The following MEIOSIN variants were observed in gnomAD, a reference collection of about 807,000 sequenced individuals.
MEIOSIN encodes the protein meiosis initiator.
MEIOSIN carries 18 observed loss-of-function variants against 23.4 expected under a neutral mutation model. That is an observed-to-expected ratio of 0.77 (90% CI 0.53 to 1.14). The LOEUF is 1.14. Ranked by LOEUF, MEIOSIN falls within the 50% of genes most tolerant of loss-of-function variation. The pLI, the probability that MEIOSIN is intolerant of heterozygous loss-of-function variation, is 0.00. For synonymous variants in MEIOSIN, 187 were observed against 100.6 expected (o/e 1.86, Z -5.14); for missense variants, 428 against 242.9 (o/e 1.76, Z -5.07).
chr19:45,756,650 G>T (rs1384835471), intron 8 of MEIOSIN, among the ~76,000 whole-genome samples: 1 of 151,934 alleles, frequency 6.6e-6, no homozygotes, highest in Non-Finnish European at 1.5e-5. Context: ...TCTTGAACTC[G>T]TAGGCTCAAG....
intron 7 of MEIOSIN, among the ~76,000 whole-genome samples, 186 bp from the exon 8 acceptor site, chr19:45,755,784 A>T (rs1231756062): frequency 1.3e-5 from 2 of 152,014 alleles, no homozygotes; most frequent in Non-Finnish European, 2.9e-5. Context: ...GATTCAAAAA[A>T]CCCAGGGGTG....
At chr19:45,760,943 GA>G (rs1348547868) in intron 11 of MEIOSIN, among the ~76,000 whole-genome samples, 1 of 143,538 alleles carries the variant, frequency 7.0e-6, no homozygotes, top group Non-Finnish European at 1.5e-5. Flanking sequence ...AAAAAAGAAA[GA>G]AAAGAAAAAA....
chr19:45,744,090 A>G (rs1279558849), intron 3 of MEIOSIN, among the ~76,000 whole-genome samples: 1 of 150,290 alleles, frequency 6.7e-6, no homozygotes, highest in African/African-American at 2.5e-5. Flanking sequence ...TGTCACCCAC[A>G]ATCTCAGCTC....
At chr19:45,755,792 G>A (rs777534540) in intron 7 of MEIOSIN, among the ~76,000 whole-genome samples, 178 bp from the exon 8 acceptor site, 6 of 152,152 alleles carry the variant, frequency 3.9e-5, no homozygotes, top group Non-Finnish European at 8.8e-5. Flanking sequence ...AAACCCAGGG[G>A]TGATTTGGGG....
In MEIOSIN at chr19:45,757,187, G is replaced by A. The variant is rs1469139137; in HGVS notation, c.922G>A (p.Val308Met). 2.8e-6 allele frequency: 2 copies of A among 702,806 alleles called. No individual in the cohort carries two copies. The highest frequency in any genetic ancestry group is 5.4e-5 in the East Asian group (2 of 37,306). The allele number at this position is 702,806 out of a possible 1,614,324, so 43.5% of individuals were successfully genotyped here. A position where few individuals can be genotyped will look rare whatever the true frequency, so the allele number is the denominator to read the frequency against. The change falls in exon 9 of 15, where the codon GTG (valine) becomes ATG (methionine). Residue 308 changes from valine (V) to methionine (M), a missense_variant. Physicochemically the swap from Val to Met is conservative, Grantham distance 21. Coordinates refer to ENST00000457052, the MANE Select transcript of MEIOSIN (RefSeq NM_001310124.2). ...KTQPHPRQKL[V>M]FYDSSEDVDK... ...CTCCACCTCTTGCAGGCAGAAGCTGGTGTTCTATGATTCCAGCGAGGATGT... is the reference window on the plus strand; with the variant it reads ...CTCCACCTCTTGCAGGCAGAAGCTGATGTTCTATGATTCCAGCGAGGATGT...
intron 11 of MEIOSIN, among the ~76,000 whole-genome samples, chr19:45,760,367 C>A (rs1232306294): frequency 6.6e-6 from 1 of 151,680 alleles, no homozygotes; most frequent in Admixed American, 6.6e-5. Context: ...TTTTGGGAGG[C>A]CGAGGAGGGC....
rs1357805539 is a variant in MEIOSIN, at chr19:45,753,700, T to C, written c.468T>C (p.Ser156=). 1 of 702,938 alleles carries C rather than the reference T, an allele frequency of 1.4e-6. No homozygotes were observed. Among genetic ancestry groups the C allele is most frequent in the Non-Finnish European group, 2.6e-6 (1 of 384,952 alleles). The allele number at this position is 702,938 out of a possible 1,614,324, so 43.5% of individuals were successfully genotyped here. The change falls in exon 6 of 15, where the codon TCT becomes TCC. Residue 156 remains serine, a synonymous_variant. Transcript: ENST00000457052. ...GCCCAGCCAGGCGGAGGAGACACTC[T>C]ACCCCCTCCAGCTCCCCAAGCTCTC... ...AWGPARRRRH[S]TPSSSPSSQK... is the part of the protein sequence containing the mutation.
At chr19:45,749,731 G>A (rs532359913) in intron 4 of MEIOSIN, among the ~76,000 whole-genome samples, 39 of 149,192 alleles carry the variant, frequency 2.6e-4, no homozygotes, top group Admixed American at 2.5e-3. Flanking sequence ...TTGGCCGGGC[G>A]TGGTGGCTCA....
At chr19:45,742,607 G>A (rs1053231487) in intron 3 of MEIOSIN, among the ~76,000 whole-genome samples, 6 of 151,814 alleles carry the variant, frequency 4.0e-5, no homozygotes, top group African/African-American at 1.2e-4. Flanking sequence ...ATGAAACCCC[G>A]TCTCCACTAA....
rs780580976 is a variant in MEIOSIN, at chr19:45,757,204, C to T, written c.939C>T (p.Ser313=). 8.0e-5 allele frequency: 56 copies of T among 702,810 alleles called. 1 individual carries two copies. Among genetic ancestry groups the T allele is most frequent in the African/African-American group, 2.3e-4 (13 of 57,256 alleles). 43.5% of individuals were successfully genotyped at this position (702,810 alleles called of 1,614,324 possible). A position where few individuals can be genotyped will look rare whatever the true frequency, so the allele number is the denominator to read the frequency against. Residue 313 remains serine (S), a synonymous_variant, in exon 9 of 15, where the codon AGC becomes AGT. Transcript: ENST00000457052. ...AGAAGCTGGTGTTCTATGATTCCAG[C>T]GAGGATGTGGACAAAGGGTCCCTAG... ...PRQKLVFYDS[S]EDVDKGSLDA... is the part of the protein sequence containing the mutation.
chr19:45,752,295 A>AAC (rs1484799721), intron 5 of MEIOSIN, among the ~76,000 whole-genome samples: 2 of 151,836 alleles, frequency 1.3e-5, no homozygotes, highest in Admixed American at 1.3e-4. Flanking sequence ...AGCTCACTGC[A>AAC]AGCTCTGCCT....
chr19:45,754,648 A>G lies in MEIOSIN; in HGVS notation c.726A>G (p.Pro242=). The change falls in exon 7 of 15, where the codon CCA becomes CCG. Residue 242 remains proline, a synonymous_variant. Transcript: ENST00000457052. The part of the protein sequence containing the change: ...GHPRPASSSP[P]GDRKGGQSQL... ...CGAGGCCTGCATCATCCTCACCTCC[A>G]GGTGACAGAAAAGGAGGACAGTCCC... The G allele has an allele frequency of 1.4e-6, 1 of 703,090 alleles. No individual in the cohort carries two copies. Among genetic ancestry groups the G allele is most frequent in the East Asian group, 2.7e-5 (1 of 37,286 alleles). 43.6% of individuals were successfully genotyped at this position (703,090 alleles called of 1,614,324 possible).
chr19:45,753,851 C>G (rs1452793936), intron 6 of MEIOSIN, 63 bp downstream of exon 6: 2 of 653,882 alleles, frequency 3.1e-6, no homozygotes, highest in African/African-American at 3.6e-5. Context: ...GGCTCCTTCT[C>G]CAGGGATGTC....
intron 3 of MEIOSIN, 123 bp downstream of exon 3, chr19:45,739,853 C>CA: frequency 3.8e-6 from 2 of 524,482 alleles, no homozygotes; most frequent in Non-Finnish European, 3.4e-6. Flanking sequence ...TTCTTTCTTC[C>CA]TTTTTTTTTT....
intron 3 of MEIOSIN, among the ~76,000 whole-genome samples, chr19:45,742,996 T>C (rs1968532692): frequency 6.6e-6 from 1 of 151,980 alleles, no homozygotes; most frequent in African/African-American, 2.4e-5. Flanking sequence ...AGGGAAGAAA[T>C]TGGCTAAAAC....
chr19:45,734,988 G>A (rs1568552148), intron 1 of MEIOSIN, among the ~76,000 whole-genome samples: 1 of 151,838 alleles, frequency 6.6e-6, no homozygotes, highest in Non-Finnish European at 1.5e-5. Context: ...CCGCCTCCCA[G>A]GTTCAAGTGA....
rs1299134709 is a variant in MEIOSIN, at chr19:45,754,709, C to A, written c.787C>A (p.His263Asn). 8.5e-6 allele frequency: 6 copies of A among 703,072 alleles called. No individual in the cohort carries two copies. In the East Asian group the frequency reaches 1.6e-4, roughly 19 times the overall value. The allele number at this position is 703,072 out of a possible 1,614,324, so 43.6% of individuals were successfully genotyped here. ...GTTGGATCTGGCCGAGGACACCATC[C>A]ACTGTGACATCTCAAGTGGGTCTCT... Reference protein sequence around the residue: ...TLLDLAEDTIHCDISSCWCQG... With the variant: ...TLLDLAEDTINCDISSCWCQG... Residue 263 changes from histidine to asparagine, a missense_variant, in exon 7 of 15, where the codon CAC becomes AAC. His to Asn is a moderately conservative substitution (Grantham distance 68). Transcript: ENST00000457052.
chr19:45,734,832 G>T (rs1314109313), intron 1 of MEIOSIN, among the ~76,000 whole-genome samples: 1 of 151,858 alleles, frequency 6.6e-6, no homozygotes, highest in Non-Finnish European at 1.5e-5. Context: ...TGAGGATTTA[G>T]GTCCTCATTT....
At chr19:45,748,162 C>T (rs980927983) in intron 4 of MEIOSIN, among the ~76,000 whole-genome samples, 1 of 151,946 alleles carries the variant, frequency 6.6e-6, no homozygotes, top group African/African-American at 2.4e-5. Flanking sequence ...ACTGCAAGCT[C>T]TGCCTCCTGG....
Sources: allele counts gnomAD v4.1 joint callset (sites outside exome capture counted in the v4.1 genomes callset), GRCh38; gene constraint gnomAD v4.1.1; transcripts MANE v1.5; gene names NCBI Gene and HGNC (gene_info 2026-07-23, HGNC 2026-07-21).